Variants in MROH1 observed in about 807,000 individuals in gnomAD.
MROH1 encodes maestro heat-like repeat-containing protein family member 1.
A neutral mutation model predicts 116.5 loss-of-function variants in MROH1; 117 were observed. The ratio of observed to expected loss-of-function variants is 1.00; its 90% CI spans 0.86 to 1.17. The LOEUF (loss-of-function observed/expected upper bound fraction) is 1.17. Among genes scored for constraint, MROH1 ranks in the 50% most tolerant of loss-of-function variants. The pLI is 0.00. For missense variants in MROH1, 1,873 were observed against 1,338.5 expected (o/e 1.40, Z -6.23); for synonymous variants, 921 against 583.9 (o/e 1.58, Z -8.32).
chr8:144,223,201 C>T lies in MROH1; in HGVS notation c.1309C>T (p.Gln437Ter). 1 of 1,609,720 alleles carries T rather than the reference C, an allele frequency of 6.2e-7. No homozygotes were observed. The highest frequency in any genetic ancestry group is 8.5e-7 in the Non-Finnish European group (1 of 1,178,344). ...GGEAMIEYIV[Q>*]QCALPPEQEP... ...TGAGGCGATGATCGAGTACATCGTG[C>T]AGCAGTGCGCGCTGCCCCCCGAGCA... The change falls in exon 14 of 44, where the codon CAG becomes TAG. Residue 437 changes from glutamine to a stop codon, truncating the protein, a stop_gained. Transcript: ENST00000326134. LOFTEE classifies it high-confidence loss of function.
rs1189749453 is a variant in MROH1 at position 144,234,497 on chromosome 8, C to T, written c.1339-4259C>T. On this transcript the variant is annotated intron_variant, in intron 14 of 43. Coordinates refer to ENST00000326134, the MANE Select transcript of MROH1 (RefSeq NM_032450.3). ...AAATGGAATTATTTTCTTTCTTTTT[C>T]GTTTTTTTTTTTTTTTTTTTTTTTT... Among the ~76,000 whole-genome samples the T allele has an allele frequency of 1.0e-3, 21 of 20,612 alleles. 1 individual carries two copies. Among genetic ancestry groups the T allele is most frequent in the Admixed American group, 6.0e-3 (10 of 1,664 alleles). The allele number at this position is 20,612 out of a possible 152,430, so 13.5% of individuals were successfully genotyped here.
intron 1 of MROH1, among the ~76,000 whole-genome samples, chr8:144,151,851 C>A (rs1387839676): frequency 6.6e-6 from 1 of 152,224 alleles, no homozygotes; most frequent in Non-Finnish European, 1.5e-5. Flanking sequence ...ACACGCCCTG[C>A]GACGGGGACA....
chr8:144,241,380 T>C lies in MROH1; in HGVS notation c.2056-15T>C. The C allele has an allele frequency of 1.3e-6, 1 of 768,310 alleles. No homozygotes were observed. The highest frequency in any genetic ancestry group is 1.4e-5 in the South Asian group (1 of 73,500). The allele number at this position is 768,310 out of a possible 1,614,324, so 47.6% of individuals were successfully genotyped here. ...CGTGCTCTTCCCTGCCCGGGGTAAGTGTGCTGCCCCCCAGGGCCTCGCCTG... is the reference window on the plus strand; with the variant it reads ...CGTGCTCTTCCCTGCCCGGGGTAAGCGTGCTGCCCCCCAGGGCCTCGCCTG... On this transcript the variant is annotated splice_polypyrimidine_tract_variant and intron_variant, in intron 21 of 43. Coordinates refer to ENST00000326134, the MANE Select transcript of MROH1 (RefSeq NM_032450.3).
At chr8:144,161,272 T>G (rs1287844491) in intron 2 of MROH1, among the ~76,000 whole-genome samples, 183 bp downstream of exon 2, 2 of 152,200 alleles carry the variant, frequency 1.3e-5, no homozygotes, top group Non-Finnish European at 2.9e-5. Context: ...GAATCCCCTT[T>G]GCTGTGTAAG....
rs1464672365 is a variant in MROH1, at chr8:144,242,446, C to T, written c.2256C>T (p.Pro752=). ...ATGGGCACGTGGCGGCCCGGGCCCCCCGGGAGCTGGTGCTGGCCAAGGTAG... is the reference window on the plus strand; with the variant it reads ...ATGGGCACGTGGCGGCCCGGGCCCCTCGGGAGCTGGTGCTGGCCAAGGTAG... ...LCYGHVAARA[P]RELVLAKVES... is the part of the protein sequence containing the mutation. Residue 752 remains proline, a synonymous_variant, in exon 23 of 44, where the codon CCC becomes CCT. Coordinates refer to ENST00000326134, the MANE Select transcript of MROH1 (RefSeq NM_032450.3). The T allele has an allele frequency of 1.0e-5, 8 of 780,546 alleles. No homozygotes were observed. The highest frequency in any genetic ancestry group is 1.9e-5 in the Non-Finnish European group (8 of 417,830). 48.4% of individuals were successfully genotyped at this position (780,546 alleles called of 1,614,324 possible).
chr8:144,215,818 A>G (rs1408694358), intron 12 of MROH1, among the ~76,000 whole-genome samples: 5 of 149,544 alleles, frequency 3.3e-5, no homozygotes, highest in African/African-American at 1.2e-4. Context: ...GCTTGCAGTG[A>G]GCCAAGATTG....
chr8:144,167,654 C>T (rs1821292341), intron 3 of MROH1, among the ~76,000 whole-genome samples: 1 of 152,160 alleles, frequency 6.6e-6, no homozygotes, highest in Admixed American at 6.5e-5. Flanking sequence ...TTCCCATGTA[C>T]AGGGAACCAC....
intron 10 of MROH1, 153 bp downstream of exon 10, chr8:144,192,554 C>A (rs1564441776): frequency 1.4e-6 from 1 of 727,562 alleles, no homozygotes; most frequent in East Asian, 2.7e-5. Context: ...CGGGTGACTT[C>A]TTAGCGATGT....
intron 14 of MROH1, among the ~76,000 whole-genome samples, chr8:144,234,277 G>A (rs1204168646): frequency 1.3e-5 from 2 of 151,972 alleles, no homozygotes; most frequent in Non-Finnish European, 2.9e-5. Context: ...CCAAAGTGCT[G>A]GAATTAAGGC....
intron 35 of MROH1, among the ~76,000 whole-genome samples, chr8:144,257,670 AC>A (rs1408098138): frequency 2.6e-5 from 4 of 152,152 alleles, no homozygotes; most frequent in Non-Finnish European, 4.4e-5. Flanking sequence ...TGGCGGGGCC[AC>A]TTGTTCCCTG....
intron 12 of MROH1, among the ~76,000 whole-genome samples, chr8:144,202,677 C>CTCTCTG (rs1430201224): frequency 7.5e-6 from 1 of 133,172 alleles, no homozygotes; most frequent in Non-Finnish European, 1.6e-5. Flanking sequence ...GGAGCACCCG[C>CTCTCTG]TCTCTGTGGA....
At chr8:144,152,555 A>ATTATTAT (rs1369841266) in intron 1 of MROH1, among the ~76,000 whole-genome samples, 3 of 130,524 alleles carry the variant, frequency 2.3e-5, no homozygotes, top group Admixed American at 7.7e-5. Flanking sequence ...TATTATTATT[A>ATTATTAT]TTTTTTTTTT....
intron 10 of MROH1, among the ~76,000 whole-genome samples, chr8:144,197,179 A>G (rs961709898): frequency 6.6e-6 from 1 of 152,174 alleles, no homozygotes; most frequent in Non-Finnish European, 1.5e-5. Flanking sequence ...GCTCCAACTC[A>G]GGGTCCCTTG....
intron 4 of MROH1, 61 bp from the exon 5 acceptor site, chr8:144,179,388 GACAGGC>G: frequency 6.3e-7 from 1 of 1,590,414 alleles, no homozygotes; most frequent in Non-Finnish European, 8.6e-7. Context: ...TAGAGACAGT[GACAGGC>G]ACTCAGAGTG....
intron 4 of MROH1, among the ~76,000 whole-genome samples, chr8:144,174,677 C>T (rs1382929110): frequency 1.3e-5 from 2 of 151,990 alleles, no homozygotes; most frequent in East Asian, 3.9e-4. Flanking sequence ...GAAACAGGGC[C>T]TTACTATGTT....
At position 144,261,775 on chromosome 8, in the gene MROH1, C is replaced by A. The variant is rs1315077146; in HGVS notation, c.*35C>A. ...CAGCACCCCCAGCGAGGAGTATGCA[C>A]CCAGACCTGTGCCTGAGCTCCAAGA... On this transcript the variant is annotated 3_prime_UTR_variant, in exon 44 of 44. Coordinates refer to ENST00000326134, the MANE Select transcript of MROH1 (RefSeq NM_032450.3). 1.3e-5 allele frequency: 9 copies of A among 702,328 alleles called. No individual in the cohort carries two copies. The highest frequency in any genetic ancestry group is 2.3e-5 in the Non-Finnish European group (9 of 385,250). 43.5% of individuals were successfully genotyped at this position (702,328 alleles called of 1,614,324 possible).
At chr8:144,224,324 C>T (rs1039337098) in intron 14 of MROH1, among the ~76,000 whole-genome samples, 2 of 152,124 alleles carry the variant, frequency 1.3e-5, no homozygotes, top group Non-Finnish European at 1.5e-5. Context: ...GACTGGAGTG[C>T]ATTGGCGAGA....
chr8:144,255,916 T>C (rs1038367046), intron 35 of MROH1, among the ~76,000 whole-genome samples: 7 of 152,226 alleles, frequency 4.6e-5, no homozygotes, highest in Non-Finnish European at 7.3e-5. Flanking sequence ...TGTGAAGGCC[T>C]CCCTCCTCGC....
At chr8:144,242,062 C>A (rs1841093989) in intron 22 of MROH1, 1 of 511,056 alleles carries the variant, frequency 2.0e-6, no homozygotes, top group Admixed American at 3.2e-5. Context: ...CTGCCTCCTG[C>A]CTGACTCTCT....
Sources: gnomAD v4.1 joint callset for allele counts (sites outside exome capture counted in the v4.1 genomes callset) on GRCh38, gnomAD v4.1.1 for gene constraint, MANE v1.5 for transcripts, NCBI Gene and HGNC (gene_info 2026-07-23, HGNC 2026-07-21) for gene names.